ANKRD27: variants seen among roughly 807,000 people sequenced by gnomAD.
ANKRD27 encodes the protein ankyrin repeat domain-containing protein 27.
Under a neutral mutation model 129.7 loss-of-function variants are expected in ANKRD27, and 112 were observed. The observed-to-expected ratio is 0.86, with a 90% CI of 0.74 to 1.01. The LOEUF is 1.01. Ranked by LOEUF, ANKRD27 falls within the 50% of genes least tolerant of loss-of-function variation. The probability of loss-of-function intolerance (pLI) is 0.00; values close to 1 mark genes in which losing one functional copy is unlikely to be tolerated. For synonymous variants in ANKRD27, 516 were observed against 511.2 expected, an observed-to-expected ratio of 1.01 and a Z score of -0.13; for missense variants, 1,258 against 1,300.5, an observed-to-expected ratio of 0.97 and a Z score of 0.50.
chr19:32,605,882 A>G lies in ANKRD27; in HGVS notation c.2446T>C (p.Tyr816His). 1 of 1,614,140 alleles carries G rather than the reference A, an allele frequency of 6.2e-7. No individual in the cohort carries two copies. The change falls in exon 24 of 29, where the codon TAC becomes CAC. Residue 816 changes from tyrosine (Y) to histidine (H), a missense_variant. Coordinates refer to ENST00000306065, the MANE Select transcript of ANKRD27 (RefSeq NM_032139.3). ...TCGTGATGGCCACCGGAGCAGGCGTAAATGAGGGGCGTGTTTCCACTGAGG... is the reference window on the plus strand; with the variant it reads ...TCGTGATGGCCACCGGAGCAGGCGTGAATGAGGGGCGTGTTTCCACTGAGG... ...KDLSGNTPLIYACSGGHHELV... is the reference protein window; with the variant it reads ...KDLSGNTPLIHACSGGHHELV...
chr19:32,667,726 G>C (rs1200629671), intron 1 of ANKRD27, among the ~76,000 whole-genome samples: 1 of 151,926 alleles, frequency 6.6e-6, no homozygotes, highest in Non-Finnish European at 1.5e-5. Context: ...CAGCTACTCA[G>C]GAGGCTGAAG....
intron 21 of ANKRD27, 100 bp from the exon 22 acceptor site, chr19:32,615,880 C>T (rs1043226455): frequency 6.7e-6 from 10 of 1,498,642 alleles, no homozygotes; most frequent in South Asian, 2.7e-5. Context: ...TCAGGGCCCA[C>T]GCTTCCTTCT....
rs201832749 is a variant in ANKRD27, at chr19:32,640,338, A to G, written c.952T>C (p.Tyr318His). Residue 318 changes from tyrosine to histidine, a missense_variant, in exon 11 of 29, where the codon TAC becomes CAC. Physicochemically the swap from Tyr to His is moderately conservative, Grantham distance 83. Coordinates refer to ENST00000306065, the MANE Select transcript of ANKRD27 (RefSeq NM_032139.3). ...GGGATCTCCGTTTTCACAAGCAAGT[A>G]TAACAGGACTGATAGCAGATCATCA... ...CADDLLSVLL[Y>H]LLVKTEIPNW... 93 of 1,613,986 alleles carry G rather than the reference A, an allele frequency of 5.8e-5. 1 individual carries two copies. In the East Asian group the frequency reaches 1.9e-3, roughly 33 times the overall value.
intron 13 of ANKRD27, 107 bp downstream of exon 13, chr19:32,631,295 A>T: frequency 1.0e-6 from 1 of 981,322 alleles, no homozygotes; most frequent in Non-Finnish European, 1.6e-6. Flanking sequence ...CTGTGATTAT[A>T]GGCATGAGCC....
intron 22 of ANKRD27, among the ~76,000 whole-genome samples, chr19:32,609,673 TG>T (rs892289517): frequency 4.3e-5 from 4 of 91,956 alleles, no homozygotes; most frequent in Non-Finnish European, 4.5e-5. Flanking sequence ...GGGGTCATAG[TG>T]GGGGGGAAGG....
intron 3 of ANKRD27, among the ~76,000 whole-genome samples, chr19:32,648,260 C>T (rs183933796): frequency 9.3e-5 from 14 of 150,624 alleles, no homozygotes; most frequent in African/African-American, 2.9e-4. Context: ...AGTGAGACTC[C>T]GCCTCAAAAG....
At chr19:32,609,373 A>G (rs997426017) in intron 22 of ANKRD27, among the ~76,000 whole-genome samples, 1 of 152,146 alleles carries the variant, frequency 6.6e-6, no homozygotes, top group East Asian at 1.9e-4. Context: ...CCTGTACACA[A>G]ATGTTCACAA....
At chr19:32,639,528 A>T in intron 11 of ANKRD27, 40 bp from the exon 12 acceptor site, 1 of 1,592,868 alleles carries the variant, frequency 6.3e-7, no homozygotes, top group South Asian at 1.1e-5. Context: ...TTGTCTATCC[A>T]AGTCACACTT....
chr19:32,613,670 C>T (rs1031671259), intron 22 of ANKRD27, among the ~76,000 whole-genome samples: 6 of 151,506 alleles, frequency 4.0e-5, no homozygotes, highest in Non-Finnish European at 4.4e-5. Context: ...AAAGTCAATC[C>T]CAAAAGGATT....
intron 23 of ANKRD27, among the ~76,000 whole-genome samples, chr19:32,606,562 G>T (rs1472729535): frequency 1.3e-5 from 2 of 152,192 alleles, no homozygotes; most frequent in African/African-American, 4.8e-5. Flanking sequence ...TGAAGCGCAG[G>T]GTGACAGTGA....
chr19:32,646,588 T>C lies in ANKRD27; in HGVS notation c.241A>G (p.Lys81Glu). ...AGACAGGCAAAACCAGCTCCTAATT[T>C]AATCCTGTTCCCTTGAATAAAGACA... The part of the protein sequence containing the change: ...KDVFIQGNRI[K>E]LGAGFACLLS... Residue 81 changes from lysine (K) to glutamate (E), a missense_variant, in exon 4 of 29, where the codon AAA becomes GAA. Coordinates refer to ENST00000306065, the MANE Select transcript of ANKRD27 (RefSeq NM_032139.3). 6.2e-7 allele frequency: 1 copy of C among 1,613,790 alleles called. No individual in the cohort carries two copies. Among genetic ancestry groups the C allele is most frequent in the African/African-American group, 1.3e-5 (1 of 75,002 alleles).
rs146888817 is a variant in ANKRD27, at chr19:32,627,628, C to T, written c.1420+455G>A. Among the ~76,000 whole-genome samples the T allele has an allele frequency of 2.3e-3, 349 of 152,220 alleles. 2 individuals are homozygous for T. Among genetic ancestry groups the T allele is most frequent in the Middle Eastern group, 6.8e-3 (2 of 294 alleles). ...GGCCAGGTTGGTCTCAAATGTCTGA[C>T]CTCAAGTGATTTGCCTGCCTCGGCC... On this transcript the variant is annotated intron_variant, in intron 15 of 28. Transcript: ENST00000306065.
chr19:32,625,881 T>C lies in ANKRD27; in HGVS notation c.1622A>G (p.His541Arg), dbSNP rs1234398129. ...TPLHLACTYGHEDCVKALVYY... is the reference protein window; with the variant it reads ...TPLHLACTYGREDCVKALVYY... ...ACAGCAAGAGCCACTCACGTCCTCG[T>C]GGCCGTAGGTGCAGGCCAGGTGGAG... The change falls in exon 17 of 29, where the codon CAC becomes CGC. Residue 541 changes from histidine to arginine, a missense_variant. His to Arg is a conservative substitution (Grantham distance 29). Coordinates refer to ENST00000306065, the MANE Select transcript of ANKRD27 (RefSeq NM_032139.3). 12 of 1,598,368 alleles carry C rather than the reference T, an allele frequency of 7.5e-6. No homozygotes were observed. The highest frequency in any genetic ancestry group is 1.0e-5 in the Non-Finnish European group (12 of 1,174,140).
intron 23 of ANKRD27, among the ~76,000 whole-genome samples, chr19:32,607,007 T>G (rs1027095377): frequency 7.2e-6 from 1 of 138,410 alleles, no homozygotes; most frequent in African/African-American, 2.7e-5. Flanking sequence ...GGTGCACGCC[T>G]GTGGTCCCAG....
chr19:32,603,671 TGGGACTACAGGCATGCAC>T (rs561648681), intron 25 of ANKRD27, among the ~76,000 whole-genome samples: 111 of 152,252 alleles, frequency 7.3e-4, no homozygotes, highest in African/African-American at 2.6e-3. Context: ...CCTGAGTAGC[TGGGACTACAGGCATGCAC>T]CCCTATGCTC....
rs556745018 is a variant in ANKRD27 at position 32,657,774 on chromosome 19, G to A, written c.102+1140C>T. ...AGATCACCTGAGGCCGGGAGTTCGG[G>A]ACCAGCCTGGCCAACATGGGTGAAA... On this transcript the variant is annotated intron_variant, in intron 2 of 28. Coordinates refer to ENST00000306065, the MANE Select transcript of ANKRD27 (RefSeq NM_032139.3). Among the ~76,000 whole-genome samples, 5 of 152,154 alleles carry A rather than the reference G, an allele frequency of 3.3e-5. No homozygotes were observed. The South Asian group carries it at 1.0e-3, about 32-fold the overall frequency.
In ANKRD27 at chr19:32,625,834, G is replaced by C. The variant is rs766580950; in HGVS notation, c.1629+40C>G. The C allele has an allele frequency of 3.4e-6, 5 of 1,457,222 alleles. No homozygotes were observed. In the South Asian group the frequency reaches 6.7e-5, roughly 19 times the overall value. 90.3% of individuals were successfully genotyped at this position (1,457,222 alleles called of 1,614,324 possible). A position where few individuals can be genotyped will look rare whatever the true frequency, so the allele number is the denominator to read the frequency against. ...TCCCGACTTCTCTACGAGTGGGAAA[G>C]GGTGAACGCAGCCCCCCCGGAACAG... On this transcript the variant is annotated intron_variant, in intron 17 of 28. Coordinates refer to ENST00000306065, the MANE Select transcript of ANKRD27 (RefSeq NM_032139.3).
chr19:32,613,706 C>CTTTTTTT lies in ANKRD27; in HGVS notation c.2175+1945_2175+1951dup, dbSNP rs58394462. 6.0e-5 allele frequency among the ~76,000 whole-genome samples: 8 copies of CTTTTTTT among 132,994 alleles called. 3 individuals carry two copies. Among genetic ancestry groups the CTTTTTTT allele is most frequent in the African/African-American group, 8.4e-5 (3 of 35,756 alleles). 87.2% of individuals were successfully genotyped at this position (132,994 alleles called of 152,430 possible). The stretch of plus-strand genomic sequence containing the variant: ...GTATACTGTGATTACATTTATGTAA[C>CTTTTTTT]TTTTTTTTTTTTTTTTTTTTGAGAC... On this transcript the variant is annotated intron_variant, in intron 22 of 28. Transcript: ENST00000306065.
intron 2 of ANKRD27, among the ~76,000 whole-genome samples, chr19:32,650,615 C>T (rs1967395099): frequency 6.8e-6 from 1 of 147,512 alleles, no homozygotes; most frequent in Non-Finnish European, 1.5e-5. Flanking sequence ...GCAGAGGTTG[C>T]AGTGAGTTGA....
Sources: allele counts gnomAD v4.1 joint callset (sites outside exome capture counted in the v4.1 genomes callset), GRCh38; gene constraint gnomAD v4.1.1; transcripts MANE v1.5; gene names NCBI Gene and HGNC (gene_info 2026-07-23, HGNC 2026-07-21).